CRYBG1: variants seen among roughly 807,000 people sequenced by gnomAD.
CRYBG1 encodes crystallin beta-gamma domain containing 1, also known as beta/gamma crystallin domain-containing protein 1.
A neutral mutation model predicts 189.2 loss-of-function variants in CRYBG1; 139 were observed. The observed-to-expected ratio is 0.73, with a 90% CI of 0.64 to 0.85. The LOEUF (loss-of-function observed/expected upper bound fraction) is 0.85, where lower values mean the gene tolerates loss of function less well. Ranked by LOEUF, CRYBG1 falls within the 40% of genes least tolerant of loss-of-function variation. CRYBG1 has a pLI of 0.00. For missense variants in CRYBG1, 2,611 were observed against 2,675.8 expected, an observed-to-expected ratio of 0.98 and a Z score of 0.53; for synonymous variants, 1,023 against 1,017.1, an observed-to-expected ratio of 1.01 and a Z score of -0.11.
chr6:106,389,251 G>A (rs1770453168), intron 1 of CRYBG1, among the ~76,000 whole-genome samples: 1 of 151,934 alleles, frequency 6.6e-6, no homozygotes, highest in South Asian at 2.1e-4. Flanking sequence ...CCACTTACTT[G>A]TATTTATTCT....
At chr6:106,425,831 G>C (rs1187605143) in intron 1 of CRYBG1, among the ~76,000 whole-genome samples, 1 of 152,028 alleles carries the variant, frequency 6.6e-6, no homozygotes, top group Non-Finnish European at 1.5e-5. Flanking sequence ...TAGAGACAGG[G>C]TTTCACCAGT....
chr6:106,530,381 G>A, intron 8 of CRYBG1, 66 bp downstream of exon 8: 1 of 1,453,298 alleles, frequency 6.9e-7, no homozygotes, highest in Non-Finnish European at 9.3e-7. Context: ...TGGAAAAAGA[G>A]GACTTAAGAT....
At chr6:106,548,481 T>C (rs952502763) in intron 13 of CRYBG1, among the ~76,000 whole-genome samples, 1 of 152,186 alleles carries the variant, frequency 6.6e-6, no homozygotes, top group Non-Finnish European at 1.5e-5. Context: ...GTACCCATAC[T>C]TGTTAGTAAA....
chr6:106,482,810 A>G (rs1772498780), intron 2 of CRYBG1, among the ~76,000 whole-genome samples: 1 of 152,020 alleles, frequency 6.6e-6, no homozygotes, highest in Admixed American at 6.6e-5. Flanking sequence ...AAAATAAAAA[A>G]AGAATTCTTC....
chr6:106,406,164 C>T (rs983468663), intron 1 of CRYBG1, among the ~76,000 whole-genome samples: 3 of 152,014 alleles, frequency 2.0e-5, no homozygotes, highest in Non-Finnish European at 4.4e-5. Flanking sequence ...CTAGAATAAC[C>T]AGTTAAGAGA....
chr6:106,532,390 A>T (rs1197421661), intron 8 of CRYBG1, among the ~76,000 whole-genome samples: 2 of 152,230 alleles, frequency 1.3e-5, no homozygotes, highest in African/African-American at 2.4e-5. Flanking sequence ...ATCCTTTGAC[A>T]TACTTGATTT....
At chr6:106,361,981 T>TCTTTCTTTC (rs1259589202) in intron 1 of CRYBG1, among the ~76,000 whole-genome samples, 1 of 25,280 alleles carries the variant, frequency 4.0e-5, no homozygotes, top group Non-Finnish European at 8.0e-5. Flanking sequence ...TTTTTTTTTT[T>TCTTTCTTTC]TTTTTCTGAG....
chr6:106,384,443 C>T (rs1770346597), intron 1 of CRYBG1, among the ~76,000 whole-genome samples: 1 of 152,078 alleles, frequency 6.6e-6, no homozygotes, highest in African/African-American at 2.4e-5. Context: ...TACAACTCAC[C>T]ATAATGTAGA....
At position 106,530,263 on chromosome 6, in the gene CRYBG1, C is replaced by A; in HGVS notation, c.4666C>A (p.Gln1556Lys). 6.2e-7 allele frequency: 1 copy of A among 1,613,534 alleles called. No individual in the cohort carries two copies. Residue 1556 changes from glutamine to lysine, a missense_variant, in exon 8 of 22, where the codon CAG becomes AAG. Physicochemically the swap from Gln to Lys is moderately conservative, Grantham distance 53. This residue lies in a region of CRYBG1 where 1,622 missense variants were observed against 1,735.0 expected (regional missense o/e 0.93). Transcript: ENST00000633556. ...SSYFDDTEEM[Q>K]GFGVMQKTCS... ...CTACTTTGATGATACTGAAGAAATG[C>A]AGGGATTTGGTGTAATGCAGAAGAC... is the stretch of plus-strand genomic sequence containing the variant.
chr6:106,361,190 G>A (rs2114279639), intron 1 of CRYBG1, 109 bp downstream of exon 1: 1 of 1,330,748 alleles, frequency 7.5e-7, no homozygotes, highest in Non-Finnish European at 1.0e-6. Context: ...AAAGCCCCGG[G>A]GTCTGTTTCA....
At chr6:106,377,649 T>TATATATATATATATA (rs1311795670) in intron 1 of CRYBG1, among the ~76,000 whole-genome samples, 1 of 129,992 alleles carries the variant, frequency 7.7e-6, no homozygotes, top group African/African-American at 3.8e-5. Flanking sequence ...ATATATATAT[T>TATATATATATATATA]TTCATTTGCA....
chr6:106,514,951 C>T (rs1037372810), intron 3 of CRYBG1, among the ~76,000 whole-genome samples: 6 of 152,180 alleles, frequency 3.9e-5, no homozygotes, highest in Non-Finnish European at 7.4e-5. Context: ...TGACCCATTT[C>T]TTTGTGACTG....
chr6:106,379,621 C>T (rs563174245), intron 1 of CRYBG1, among the ~76,000 whole-genome samples: 7 of 151,560 alleles, frequency 4.6e-5, no homozygotes, highest in Admixed American at 1.3e-4. Flanking sequence ...GTGCAGTATA[C>T]GATCACAGCT....
chr6:106,410,258 CAT>C (rs1214787049), intron 1 of CRYBG1, among the ~76,000 whole-genome samples: 1 of 152,084 alleles, frequency 6.6e-6, no homozygotes, highest in Non-Finnish European at 1.5e-5. Flanking sequence ...GGCCAACAAA[CAT>C]GTGAAAGAAA....
chr6:106,398,656 C>A (rs1216714975), intron 1 of CRYBG1, among the ~76,000 whole-genome samples: 1 of 152,162 alleles, frequency 6.6e-6, no homozygotes, highest in Non-Finnish European at 1.5e-5. Flanking sequence ...CTTATTCATT[C>A]ATTTCCTTCT....
intron 2 of CRYBG1, among the ~76,000 whole-genome samples, chr6:106,464,913 A>G (rs1330265404): frequency 6.6e-6 from 1 of 152,214 alleles, no homozygotes; most frequent in Non-Finnish European, 1.5e-5. Context: ...AATAAAAAAT[A>G]CCCTTAAAAC....
chr6:106,490,663 T>C lies in CRYBG1; in HGVS notation c.313-20767T>C, dbSNP rs55791390. Among the ~76,000 whole-genome samples the C allele has an allele frequency of 4.1e-3, 620 of 152,268 alleles. 3 individuals are homozygous for C. The highest frequency in any genetic ancestry group is 0.014 in the African/African-American group (580 of 41,546). ...GCTGGCAATTTTGCTTTCCTTTGCA[T>C]TTAGCCCCACCTCTGTGCATTGCAG... On this transcript the variant is annotated intron_variant, in intron 2 of 21. Transcript: ENST00000633556.
chr6:106,529,495 A>C (rs997232027), intron 7 of CRYBG1, among the ~76,000 whole-genome samples: 1 of 152,198 alleles, frequency 6.6e-6, no homozygotes, highest in African/African-American at 2.4e-5. Context: ...TTCAAGTGTT[A>C]ATATTTCTTC....
chr6:106,549,585 T>TA (rs1774351427), intron 13 of CRYBG1, among the ~76,000 whole-genome samples: 1 of 146,006 alleles, frequency 6.8e-6, no homozygotes, highest in Non-Finnish European at 1.5e-5. Flanking sequence ...CTAAAAAAAA[T>TA]AAAAAATAAA....
Sources: gnomAD v4.1 joint callset for allele counts (sites outside exome capture counted in the v4.1 genomes callset) on GRCh38, gnomAD v4.1.1 for gene constraint, gnomAD v4.1.1 regional missense constraint, MANE v1.5 for transcripts, NCBI Gene and HGNC (gene_info 2026-07-23, HGNC 2026-07-21) for gene names.